AUTS2: variants seen among roughly 807,000 people sequenced by gnomAD.
AUTS2 encodes the protein activator of transcription and developmental regulator AUTS2, also known as autism susceptibility gene 2 protein.
In AUTS2, 17 loss-of-function variants were observed where a neutral mutation model predicts 112.4. That is an observed-to-expected ratio of 0.15 (90% CI 0.10 to 0.23). AUTS2 has a LOEUF of 0.23. Among genes scored for constraint, AUTS2 ranks in the 10% least tolerant of loss-of-function variants. The probability of loss-of-function intolerance (pLI) is 1.00; values close to 1 mark genes in which losing one functional copy is unlikely to be tolerated. For synonymous variants in AUTS2, 751 were observed against 702.7 expected, an observed-to-expected ratio of 1.07 and a Z score of -1.09; for missense variants, 1,510 against 1,701.6, an observed-to-expected ratio of 0.89 and a Z score of 1.98.
chr7:70,625,786 CAT>C (rs1804907998), intron 5 of AUTS2, among the ~76,000 whole-genome samples: 1 of 152,192 alleles, frequency 6.6e-6, no homozygotes, highest in South Asian at 2.1e-4. Context: ...TAACTGTAAC[CAT>C]ATCCAATTGT....
intron 2 of AUTS2, among the ~76,000 whole-genome samples, chr7:70,009,577 C>T (rs1458051121): frequency 3.3e-5 from 5 of 152,152 alleles, no homozygotes; most frequent in Non-Finnish European, 7.3e-5. Context: ...CATTTTTCCT[C>T]GTGGTTTTAT....
Position 70,126,052 on chromosome 7 carries a change from G to C in AUTS2, c.624+7819G>C, listed in dbSNP as rs575086364. 9.2e-5 allele frequency among the ~76,000 whole-genome samples: 14 copies of C among 152,182 alleles called. No individual in the cohort carries two copies. The East Asian group carries it at 2.7e-3, about 29-fold the overall frequency. On this transcript the variant is annotated intron_variant, in intron 3 of 18. Coordinates refer to ENST00000342771, the MANE Select transcript of AUTS2 (RefSeq NM_015570.4). ...ATTCTAGCTTTGTTTTTTTGAATTG[G>C]TTAGGCCAAAAGAATAAGAATAAAG... is the stretch of plus-strand genomic sequence containing the variant.
At chr7:69,953,516 G>A (rs1307950264) in intron 2 of AUTS2, among the ~76,000 whole-genome samples, 1 of 152,128 alleles carries the variant, frequency 6.6e-6, no homozygotes, top group Non-Finnish European at 1.5e-5. Context: ...GAAGGTTTGT[G>A]TTTTCATTCT....
At chr7:69,963,981 C>A (rs1797532649) in intron 2 of AUTS2, among the ~76,000 whole-genome samples, 1 of 152,064 alleles carries the variant, frequency 6.6e-6, no homozygotes, top group African/African-American at 2.4e-5. Context: ...GGTTGATCTC[C>A]CTCCTTCCTA....
At chr7:70,491,698 T>C (rs568813514) in intron 5 of AUTS2, among the ~76,000 whole-genome samples, 1 of 151,540 alleles carries the variant, frequency 6.6e-6, no homozygotes, top group East Asian at 2.0e-4. Context: ...CACTGCAACC[T>C]CTGCCTCCCA....
intron 2 of AUTS2, among the ~76,000 whole-genome samples, chr7:70,101,362 A>G (rs967802058): frequency 1.3e-5 from 2 of 151,510 alleles, no homozygotes; most frequent in East Asian, 1.9e-4. Flanking sequence ...ATGAATTTTC[A>G]TAAGAACTGC....
At chr7:70,079,341 T>TA (rs917037190) in intron 2 of AUTS2, among the ~76,000 whole-genome samples, 9 of 151,688 alleles carry the variant, frequency 5.9e-5, no homozygotes, top group South Asian at 2.1e-4. Context: ...TAAGTTATAT[T>TA]AAAAAAAATA....
rs768318189 is a variant in AUTS2 at position 70,785,927 on chromosome 7, A to T, written c.2225-28A>T. 8.1e-6 allele frequency: 13 copies of T among 1,610,972 alleles called. No homozygotes were observed. In the African/African-American group the frequency reaches 1.5e-4, roughly 18 times the overall value. On this transcript the variant is annotated intron_variant, in intron 16 of 18. Coordinates refer to ENST00000342771, the MANE Select transcript of AUTS2 (RefSeq NM_015570.4). ...TCCTCTCCCAGCAGAGCCCCTGACC[A>T]TTTCCTTCTTCCCCATCTTGTTTGC...
At chr7:70,429,615 G>C (rs1235205259) in intron 4 of AUTS2, among the ~76,000 whole-genome samples, 1 of 152,202 alleles carries the variant, frequency 6.6e-6, no homozygotes, top group Non-Finnish European at 1.5e-5. Flanking sequence ...ACCACAAGCT[G>C]TTTGCAACCA....
intron 5 of AUTS2, among the ~76,000 whole-genome samples, chr7:70,459,048 T>C (rs1796860114): frequency 1.3e-5 from 2 of 152,218 alleles, no homozygotes; most frequent in African/African-American, 4.8e-5. Flanking sequence ...TTATTAGCTG[T>C]GGTTGTGTGG....
At chr7:70,427,198 A>G (rs1408741808) in intron 4 of AUTS2, among the ~76,000 whole-genome samples, 1 of 152,244 alleles carries the variant, frequency 6.6e-6, no homozygotes, top group Non-Finnish European at 1.5e-5. Flanking sequence ...AGTACGGATT[A>G]ATGCTATTGA....
chr7:69,684,750 A>C (rs534335327), intron 1 of AUTS2, among the ~76,000 whole-genome samples: 1 of 152,366 alleles, frequency 6.6e-6, no homozygotes, highest in South Asian at 2.1e-4. Context: ...TAGGAAGGAC[A>C]TGAGAGTCTT....
chr7:70,723,002 T>C (rs1035600468), intron 6 of AUTS2, among the ~76,000 whole-genome samples: 1 of 152,180 alleles, frequency 6.6e-6, no homozygotes, highest in Non-Finnish European at 1.5e-5. Flanking sequence ...TAAACCTGAA[T>C]GTTGATTAAA....
intron 2 of AUTS2, among the ~76,000 whole-genome samples, chr7:69,930,675 C>G (rs1029063891): frequency 1.3e-5 from 2 of 152,170 alleles, no homozygotes; most frequent in African/African-American, 2.4e-5. Flanking sequence ...ATCATGAAAT[C>G]TCTTTCAGCC....
intron 1 of AUTS2, among the ~76,000 whole-genome samples, chr7:69,742,550 A>C (rs779103870): frequency 6.6e-6 from 1 of 152,114 alleles, no homozygotes; most frequent in African/African-American, 2.4e-5. Flanking sequence ...AACTTTTTAC[A>C]TTATTTTCTT....
At chr7:70,496,813 T>C (rs1798551455) in intron 5 of AUTS2, among the ~76,000 whole-genome samples, 2 of 104,456 alleles carry the variant, frequency 1.9e-5, no homozygotes, top group African/African-American at 3.8e-5. Flanking sequence ...CATGCACACG[T>C]CACATCAGCA....
chr7:70,136,298 T>C (rs930626273), intron 4 of AUTS2, among the ~76,000 whole-genome samples: 5 of 152,192 alleles, frequency 3.3e-5, no homozygotes, highest in African/African-American at 1.2e-4. Flanking sequence ...TATTATTAGC[T>C]TACATGGAGA....
At chr7:70,078,998 G>A (rs926822997) in intron 2 of AUTS2, among the ~76,000 whole-genome samples, 18 of 152,208 alleles carry the variant, frequency 1.2e-4, no homozygotes, top group Admixed American at 4.6e-4. Context: ...TTCTTTTCTC[G>A]ATTGGTAGAA....
At position 70,711,138 on chromosome 7, in the gene AUTS2, C is replaced by T. The variant is rs1377998478; in HGVS notation, c.742+12518C>T. Among the ~76,000 whole-genome samples the T allele has an allele frequency of 2.6e-5, 4 of 152,336 alleles. No homozygotes were observed. The East Asian group carries it at 5.8e-4, about 22-fold the overall frequency. On this transcript the variant is annotated intron_variant, in intron 6 of 18. Transcript: ENST00000342771. ...TGGCCAGGGCCTCACCCCCCCAGAG[C>T]ACACCTTCGGGTCAGGCTCATGCCT...
Sources: allele counts gnomAD v4.1 joint callset (sites outside exome capture counted in the v4.1 genomes callset), GRCh38; gene constraint gnomAD v4.1.1; transcripts MANE v1.5; gene names NCBI Gene and HGNC (gene_info 2026-07-23, HGNC 2026-07-21).